SVOP: variants seen among roughly 807,000 people sequenced by gnomAD.
SVOP encodes SV2 related protein, also known as synaptic vesicle 2-related protein.
SVOP carries 17 observed loss-of-function variants against 69.1 expected under a neutral mutation model. That is an observed-to-expected ratio of 0.25 (90% CI 0.17 to 0.37). The LOEUF is 0.37. SVOP is among the 10% of genes least tolerant of loss of function. The probability of loss-of-function intolerance (pLI) is 1.00; values close to 1 mark genes in which losing one functional copy is unlikely to be tolerated. For synonymous variants in SVOP, 238 were observed against 238.6 expected (o/e 1.00, Z 0.02); for missense variants, 435 against 597.5 (o/e 0.73, Z 2.84).
At chr12:108,964,375 T>C in intron 5 of SVOP, among the ~76,000 whole-genome samples, 1 of 152,012 alleles carries the variant, frequency 6.6e-6, no homozygotes, top group East Asian at 1.9e-4. Flanking sequence ...TTCTTTTGGC[T>C]TAAGCTAACT....
At chr12:109,004,438 G>T (rs1040340176) in intron 1 of SVOP, among the ~76,000 whole-genome samples, 2 of 126,414 alleles carry the variant, frequency 1.6e-5, no homozygotes, top group Non-Finnish European at 3.4e-5. Flanking sequence ...TTGAGACAGG[G>T]TCTTACTCTG....
At chr12:108,956,898 C>T (rs1051023494) in intron 6 of SVOP, among the ~76,000 whole-genome samples, 7 of 152,182 alleles carry the variant, frequency 4.6e-5, no homozygotes, top group African/African-American at 1.2e-4. Flanking sequence ...AGCTTGGAGA[C>T]GATGCCCTGT....
intron 14 of SVOP, among the ~76,000 whole-genome samples, chr12:108,917,035 C>T (rs566027740): frequency 3.4e-4 from 52 of 152,374 alleles, no homozygotes; most frequent in African/African-American, 1.2e-3. Context: ...GCGTGAACCA[C>T]TGTGCCTGGC....
At chr12:108,977,550 A>G in intron 3 of SVOP, 54 bp from the exon 4 acceptor site, 1 of 1,242,880 alleles carries the variant, frequency 8.0e-7, no homozygotes, top group Non-Finnish European at 1.1e-6. Flanking sequence ...GTGCTGGGGA[A>G]GGCTGGCCAA....
intron 1 of SVOP, among the ~76,000 whole-genome samples, chr12:108,997,830 C>A (rs2040244963): frequency 6.6e-6 from 1 of 150,948 alleles, no homozygotes; most frequent in South Asian, 2.1e-4. Context: ...TCATCAAAGA[C>A]CAAAAGTAGA....
chr12:108,914,688 C>A (rs73410988), intron 15 of SVOP, among the ~76,000 whole-genome samples: 4,991 of 151,846 alleles, frequency 0.033, 113 homozygotes, highest in African/African-American at 0.072. Flanking sequence ...TGTGCCTCAG[C>A]CAGAATTACA....
intron 5 of SVOP, among the ~76,000 whole-genome samples, chr12:108,969,715 TTTCC>T (rs890646300): frequency 1.7e-4 from 6 of 35,844 alleles, no homozygotes; most frequent in Non-Finnish European, 2.7e-4. Context: ...CCTCCTTTTT[TTTCC>T]TTCCTTCCTT....
At chr12:108,957,689 A>G (rs1319731513) in intron 6 of SVOP, among the ~76,000 whole-genome samples, 3 of 152,226 alleles carry the variant, frequency 2.0e-5, no homozygotes, top group African/African-American at 7.2e-5. Flanking sequence ...TGTTAAATGG[A>G]CAAGCGCAGC....
At chr12:108,917,856 G>A (rs978306137) in intron 14 of SVOP, among the ~76,000 whole-genome samples, 187 bp downstream of exon 14, 3 of 151,938 alleles carry the variant, frequency 2.0e-5, no homozygotes, top group Non-Finnish European at 4.4e-5. Context: ...ATGTTGCTCA[G>A]GCTGGTCTCA....
At chr12:108,939,055 G>T in intron 8 of SVOP, 100 bp from the exon 9 acceptor site, 1 of 1,538,542 alleles carries the variant, frequency 6.5e-7, no homozygotes, top group Non-Finnish European at 8.8e-7. Context: ...CTTTAAGAGT[G>T]GGGGCTCTGG....
intron 1 of SVOP, among the ~76,000 whole-genome samples, chr12:109,006,652 T>C (rs531353714): frequency 5.7e-4 from 87 of 152,260 alleles, no homozygotes; most frequent in Non-Finnish European, 1.1e-3. Context: ...CTCTGGAGCA[T>C]AGGGGCTGTC....
intron 5 of SVOP, among the ~76,000 whole-genome samples, chr12:108,971,428 C>CAA (rs563114992): frequency 0.053 from 7,581 of 141,718 alleles, 287 homozygotes; most frequent in East Asian, 0.16. Flanking sequence ...GACTCCGTCT[C>CAA]AAAAAAAAAA....
intron 5 of SVOP, among the ~76,000 whole-genome samples, chr12:108,961,351 C>T (rs1459294091): frequency 6.6e-6 from 1 of 151,910 alleles, no homozygotes; most frequent in Non-Finnish European, 1.5e-5. Flanking sequence ...AATGTTCTGC[C>T]CGACCATCAT....
intron 7 of SVOP, among the ~76,000 whole-genome samples, chr12:108,943,529 C>T (rs1420336659): frequency 6.7e-6 from 1 of 150,320 alleles, no homozygotes; most frequent in African/African-American, 2.4e-5. Flanking sequence ...ACCTGGGAGG[C>T]GGAGGATGCA....
chr12:108,971,661 G>A (rs1394813201), intron 5 of SVOP, among the ~76,000 whole-genome samples: 1 of 152,164 alleles, frequency 6.6e-6, no homozygotes. Context: ...TCCAGTAGGG[G>A]AGTGGAGAAG....
intron 10 of SVOP, among the ~76,000 whole-genome samples, chr12:108,934,607 A>C (rs1249629216): frequency 3.3e-5 from 5 of 152,208 alleles, no homozygotes; most frequent in Non-Finnish European, 5.9e-5. Context: ...TTTAAGTCAC[A>C]GGATAAGATA....
At chr12:108,920,594 C>CTTTTTTT (rs71079507) in intron 12 of SVOP, among the ~76,000 whole-genome samples, 2 of 121,318 alleles carry the variant, frequency 1.6e-5, no homozygotes, top group Non-Finnish European at 3.3e-5. Flanking sequence ...ATTTTTACAT[C>CTTTTTTT]TTTTTTTTTT....
intron 7 of SVOP, among the ~76,000 whole-genome samples, chr12:108,941,747 T>G (rs1276438989): frequency 1.3e-5 from 2 of 152,092 alleles, no homozygotes; most frequent in Non-Finnish European, 2.9e-5. Context: ...CTGCAACCTC[T>G]GCCTTGCAGG....
chr12:108,934,788 T>G (rs1024082592), intron 10 of SVOP, among the ~76,000 whole-genome samples: 1 of 152,204 alleles, frequency 6.6e-6, no homozygotes, highest in African/African-American at 2.4e-5. Context: ...CATGGCAACT[T>G]CAGGAAGTTA....
Sources: allele counts gnomAD v4.1 joint callset (sites outside exome capture counted in the v4.1 genomes callset), GRCh38; gene constraint gnomAD v4.1.1; transcripts MANE v1.5; gene names NCBI Gene and HGNC (gene_info 2026-07-23, HGNC 2026-07-21).